PPIL4: variants seen among roughly 807,000 people sequenced by gnomAD.
PPIL4 encodes the protein peptidylprolyl isomerase like 4.
In PPIL4, 50 loss-of-function variants were observed where a neutral mutation model predicts 69.1. The ratio of observed to expected loss-of-function variants is 0.72; its 90% CI spans 0.58 to 0.92. PPIL4 has a LOEUF of 0.92. Ranked by LOEUF, PPIL4 falls within the 40% of genes least tolerant of loss-of-function variation. The pLI, the probability that PPIL4 is intolerant of heterozygous loss-of-function variation, is 0.00. For missense variants in PPIL4, 480 were observed against 587.9 expected (o/e 0.82, Z 1.90); for synonymous variants, 193 against 191.6 (o/e 1.01, Z -0.06).
intron 12 of PPIL4, among the ~76,000 whole-genome samples, chr6:149,509,960 T>C (rs1562255587): frequency 6.6e-6 from 1 of 152,298 alleles, no homozygotes; most frequent in East Asian, 1.9e-4. Context: ...CAGGGCCTCC[T>C]ATGTTGCCCA....
At chr6:149,542,869 C>T (rs1262865891) in intron 1 of PPIL4, among the ~76,000 whole-genome samples, 1 of 152,080 alleles carries the variant, frequency 6.6e-6, no homozygotes, top group African/African-American at 2.4e-5. Flanking sequence ...CTGTAATAGT[C>T]TGGTATTACA....
At position 149,533,440 on chromosome 6, in the gene PPIL4, C is replaced by T. The variant is rs1240172444; in HGVS notation, c.678+18G>A. On this transcript the variant is annotated intron_variant, in intron 7 of 12. Transcript: ENST00000253329. Reference sequence around the variant, plus strand: ...TAGATATATTACAGAACAATTTGAACAAAGATAATTATCTTACCATCTCCA... The same window carrying T: ...TAGATATATTACAGAACAATTTGAATAAAGATAATTATCTTACCATCTCCA... 3.0e-6 allele frequency: 4 copies of T among 1,315,760 alleles called. No homozygotes were observed. The highest frequency in any genetic ancestry group is 4.4e-6 in the Non-Finnish European group (4 of 909,856). The allele number at this position is 1,315,760 out of a possible 1,614,324, so 81.5% of individuals were successfully genotyped here.
chr6:149,504,975 C>T lies in PPIL4; in HGVS notation c.*478G>A, dbSNP rs932009535. Reference sequence around the variant, plus strand: ...TCAGAAACATACAAAATTAACATTTCACTTACAGATACATACGTATGTTGT... The same window carrying T: ...TCAGAAACATACAAAATTAACATTTTACTTACAGATACATACGTATGTTGT... On this transcript the variant is annotated 3_prime_UTR_variant, in exon 13 of 13. Transcript: ENST00000253329. The T allele has an allele frequency of 6.6e-6, 1 of 152,342 alleles. No homozygotes were observed. The highest frequency in any genetic ancestry group is 2.4e-5 in the African/African-American group (1 of 41,420). 9.4% of individuals were successfully genotyped at this position (152,342 alleles called of 1,614,324 possible).
At chr6:149,509,536 T>C (rs1401437364) in intron 12 of PPIL4, among the ~76,000 whole-genome samples, 1 of 152,210 alleles carries the variant, frequency 6.6e-6, no homozygotes, top group African/African-American at 2.4e-5. Flanking sequence ...AGGAATGTGA[T>C]ACAGCCACCA....
At chr6:149,507,554 G>A (rs1454545988) in intron 12 of PPIL4, among the ~76,000 whole-genome samples, 1 of 152,048 alleles carries the variant, frequency 6.6e-6, no homozygotes, top group Non-Finnish European at 1.5e-5. Context: ...TATTGGTTGA[G>A]ACAAACTTTT....
intron 11 of PPIL4, among the ~76,000 whole-genome samples, chr6:149,513,623 C>A (rs1776895653): frequency 6.6e-6 from 1 of 150,708 alleles, no homozygotes; most frequent in South Asian, 2.1e-4. Flanking sequence ...TGAAAATTAA[C>A]ATGAAAAAAG....
chr6:149,531,752 T>C (rs1005149087), intron 7 of PPIL4, among the ~76,000 whole-genome samples: 2 of 152,136 alleles, frequency 1.3e-5, no homozygotes, highest in Admixed American at 6.5e-5. Context: ...TCACAGCAAC[T>C]TTCGCCTGCT....
At chr6:149,539,251 AG>A (rs1184422009) in intron 4 of PPIL4, among the ~76,000 whole-genome samples, 3 of 152,246 alleles carry the variant, frequency 2.0e-5, no homozygotes, top group Admixed American at 2.0e-4. Context: ...CTGATACAGT[AG>A]TAGCAGGGTC....
chr6:149,512,799 G>C (rs1236789030), intron 11 of PPIL4, among the ~76,000 whole-genome samples: 2 of 152,000 alleles, frequency 1.3e-5, no homozygotes, highest in African/African-American at 2.4e-5. Context: ...CTGGAGTGCA[G>C]TGGCGCGATC....
chr6:149,521,088 C>T lies in PPIL4; in HGVS notation c.954G>A (p.Ser318=), dbSNP rs1224901583. The change falls in exon 10 of 13, where the codon TCG becomes TCA. Residue 318 remains serine, a synonymous_variant. Coordinates refer to ENST00000253329, the MANE Select transcript of PPIL4 (RefSeq NM_139126.4). ...DRRIHVDFSQ[S]VAKVKWKGKG... is the part of the protein sequence containing the mutation. ...TTCCTTTCCATTTAACCTTTGCAAC[C>T]GACTGGCTAAAATCCACATGTATTC... 1.2e-5 allele frequency: 20 copies of T among 1,600,844 alleles called. No homozygotes were observed. Among genetic ancestry groups the T allele is most frequent in the Admixed American group, 6.7e-5 (4 of 59,434 alleles).
intron 9 of PPIL4, among the ~76,000 whole-genome samples, chr6:149,524,001 G>T (rs1012808474): frequency 3.9e-5 from 6 of 152,084 alleles, no homozygotes; most frequent in Non-Finnish European, 8.8e-5. Flanking sequence ...TGTATCCCTA[G>T]GCCTTATTGC....
At chr6:149,518,280 T>C (rs2115030645) in intron 10 of PPIL4, among the ~76,000 whole-genome samples, 1 of 152,304 alleles carries the variant, frequency 6.6e-6, no homozygotes, top group Middle Eastern at 3.4e-3. Context: ...CTCTCAACTC[T>C]AGTCTCCTAT....
At chr6:149,510,320 G>A (rs529400078) in intron 12 of PPIL4, among the ~76,000 whole-genome samples, 93 of 152,118 alleles carry the variant, frequency 6.1e-4, no homozygotes, top group Non-Finnish European at 1.1e-3. Context: ...AGGAAAAGGG[G>A]AGGGAACAAG....
At chr6:149,506,330 G>A (rs1776770093) in intron 12 of PPIL4, among the ~76,000 whole-genome samples, 1 of 152,234 alleles carries the variant, frequency 6.6e-6, no homozygotes. Context: ...AAATTAGCCA[G>A]GTGTGGGGAC....
chr6:149,535,579 G>T lies in PPIL4; in HGVS notation c.464+17C>A, dbSNP rs778711189. Reference sequence around the variant, plus strand: ...TAAAACATTCTAGTACATTCAGATAGCAAATTGTAACCATACCTGATATCC... The same window carrying T: ...TAAAACATTCTAGTACATTCAGATATCAAATTGTAACCATACCTGATATCC... On this transcript the variant is annotated intron_variant, in intron 5 of 12. Transcript: ENST00000253329. 6.2e-7 allele frequency: 1 copy of T among 1,602,116 alleles called. No individual in the cohort carries two copies. Among genetic ancestry groups the T allele is most frequent in the African/African-American group, 1.3e-5 (1 of 74,686 alleles).
intron 7 of PPIL4, among the ~76,000 whole-genome samples, chr6:149,531,425 A>C (rs558148776): frequency 6.6e-6 from 1 of 150,584 alleles, no homozygotes; most frequent in Admixed American, 6.6e-5. Flanking sequence ...AATCCCAGCT[A>C]TTTGGGAAGC....
At chr6:149,522,705 C>T (rs1165020353) in intron 9 of PPIL4, among the ~76,000 whole-genome samples, 1 of 152,084 alleles carries the variant, frequency 6.6e-6, no homozygotes, top group Non-Finnish European at 1.5e-5. Context: ...CTCTGCCTCC[C>T]GAGTTCAAGC....
At chr6:149,529,908 G>A (rs148619417) in intron 7 of PPIL4, among the ~76,000 whole-genome samples, 21 of 152,232 alleles carry the variant, frequency 1.4e-4, no homozygotes, top group East Asian at 7.7e-4. Flanking sequence ...GGCTACATAC[G>A]CTATAATTCC....
At chr6:149,524,592 CT>C (rs1457968143) in intron 9 of PPIL4, among the ~76,000 whole-genome samples, 1 of 152,158 alleles carries the variant, frequency 6.6e-6, no homozygotes, top group Non-Finnish European at 1.5e-5. Context: ...AAGGGCTTTA[CT>C]TAGAACTTAA....
Sources: gnomAD v4.1 joint callset for allele counts (sites outside exome capture counted in the v4.1 genomes callset) on GRCh38, gnomAD v4.1.1 for gene constraint, MANE v1.5 for transcripts, NCBI Gene and HGNC (gene_info 2026-07-23, HGNC 2026-07-21) for gene names.